The following PCCA variants were observed in gnomAD, a reference collection of about 807,000 sequenced individuals.
PCCA encodes propionyl-CoA carboxylase subunit alpha, also known as propionyl-CoA carboxylase alpha chain, mitochondrial.
PCCA carries 74 observed loss-of-function variants against 101.3 expected under a neutral mutation model. That is an observed-to-expected ratio of 0.73 (90% confidence interval 0.61 to 0.89). PCCA has a LOEUF of 0.89. Among genes scored for constraint, PCCA ranks in the 40% least tolerant of loss-of-function variants. The pLI is 0.00. For synonymous variants in PCCA, 294 were observed against 313.6 expected (o/e 0.94, Z 0.66); for missense variants, 891 against 907.0 (o/e 0.98, Z 0.23).
At chr13:100,378,035 T>C (rs1397030915) in intron 19 of PCCA, among the ~76,000 whole-genome samples, 7 of 152,208 alleles carry the variant, frequency 4.6e-5, no homozygotes, top group African/African-American at 1.7e-4. Flanking sequence ...TACTTGCACG[T>C]GTTTTCATGA....
At chr13:100,162,547 T>G (rs1479960860) in intron 6 of PCCA, among the ~76,000 whole-genome samples, 1 of 152,206 alleles carries the variant, frequency 6.6e-6, no homozygotes, top group Non-Finnish European at 1.5e-5. Flanking sequence ...TGGTGGAGGC[T>G]TCTCTCTTTC....
chr13:100,172,437 G>T (rs2055782648), intron 6 of PCCA, among the ~76,000 whole-genome samples: 1 of 151,924 alleles, frequency 6.6e-6, no homozygotes, highest in African/African-American at 2.4e-5. Flanking sequence ...AATGTTAATA[G>T]GGCTTTGTCT....
chr13:100,372,396 CAT>C (rs1411064163), intron 19 of PCCA, among the ~76,000 whole-genome samples: 2 of 151,760 alleles, frequency 1.3e-5, no homozygotes, highest in African/African-American at 2.4e-5. Context: ...CAGTAGATAA[CAT>C]AGGGGAAAAG....
intron 20 of PCCA, among the ~76,000 whole-genome samples, chr13:100,446,238 C>A (rs1473065414): frequency 1.3e-5 from 2 of 152,216 alleles, no homozygotes; most frequent in South Asian, 2.1e-4. Flanking sequence ...CCGTGTTGGG[C>A]AGGCTGGTCT....
intron 1 of PCCA, 37 bp downstream of exon 1, chr13:100,089,262 C>T (rs763898495): frequency 7.5e-6 from 11 of 1,457,110 alleles, no homozygotes; most frequent in Non-Finnish European, 1.0e-5. Context: ...CCGGGCTTCA[C>T]TGGGCTTCTA....
intron 8 of PCCA, among the ~76,000 whole-genome samples, chr13:100,249,668 G>T (rs1407405893): frequency 1.3e-5 from 2 of 152,092 alleles, no homozygotes; most frequent in South Asian, 4.1e-4. Context: ...ACGTTGAGGA[G>T]GATTGATATC....
intron 21 of PCCA, among the ~76,000 whole-genome samples, chr13:100,502,295 C>T (rs1038706491): frequency 2.0e-5 from 3 of 152,144 alleles, no homozygotes; most frequent in Non-Finnish European, 2.9e-5. Context: ...CTGATCCAGG[C>T]AGATTTCACT....
chr13:100,514,639 T>C (rs2086701361), intron 21 of PCCA, among the ~76,000 whole-genome samples: 1 of 152,228 alleles, frequency 6.6e-6, no homozygotes, highest in South Asian at 2.1e-4. Context: ...TTTTTTGAAA[T>C]GTTCTGCTTC....
chr13:100,202,137 A>G (rs2058554651), intron 6 of PCCA, among the ~76,000 whole-genome samples: 1 of 148,472 alleles, frequency 6.7e-6, no homozygotes. Flanking sequence ...TGAGACCATC[A>G]TAGGCAACAT....
intron 17 of PCCA, among the ~76,000 whole-genome samples, chr13:100,337,483 T>C (rs976765427): frequency 6.6e-6 from 1 of 152,194 alleles, no homozygotes; most frequent in Non-Finnish European, 1.5e-5. Flanking sequence ...CTCTGGCCTG[T>C]GATCAGGAGT....
chr13:100,522,806 C>T (rs899638093), intron 22 of PCCA, among the ~76,000 whole-genome samples: 7 of 152,234 alleles, frequency 4.6e-5, no homozygotes, highest in African/African-American at 1.7e-4. Context: ...GTATCACCCC[C>T]ATTTTGTGGC....
chr13:100,408,493 A>G (rs1389840724), intron 19 of PCCA, among the ~76,000 whole-genome samples: 1 of 152,150 alleles, frequency 6.6e-6, no homozygotes, highest in Non-Finnish European at 1.5e-5. Context: ...AAAATATTAG[A>G]TCCAAGTGCT....
intron 21 of PCCA, among the ~76,000 whole-genome samples, chr13:100,465,731 T>A (rs1174253796): frequency 6.6e-6 from 1 of 152,176 alleles, no homozygotes; most frequent in Non-Finnish European, 1.5e-5. Flanking sequence ...CAACTAAAAT[T>A]GTCTCCAAAT....
chr13:100,423,502 G>A (rs1038250629), intron 19 of PCCA, among the ~76,000 whole-genome samples: 1 of 152,198 alleles, frequency 6.6e-6, no homozygotes, highest in Admixed American at 6.5e-5. Flanking sequence ...CACATCCCTT[G>A]CCCCGCTTAT....
chr13:100,257,607 T>C lies in PCCA; in HGVS notation c.650T>C (p.Met217Thr), dbSNP rs750593565. 1.9e-6 allele frequency: 3 copies of C among 1,613,350 alleles called. No homozygotes were observed. The highest frequency in any genetic ancestry group is 1.7e-5 in the Admixed American group (1 of 59,964). ...RIAREIGYPVMIKASAGGGGK... is the reference protein window; with the variant it reads ...RIAREIGYPVTIKASAGGGGK... ...TCCCTGCTGTTAGGCTACCCTGTCA[T>C]GATCAAGGCCTCAGCAGGTGGTGGT... Residue 217 changes from methionine to threonine, a missense_variant, in exon 9 of 24, where the codon ATG becomes ACG. Met to Thr is a moderately conservative substitution (Grantham distance 81). Coordinates refer to ENST00000376285, the MANE Select transcript of PCCA (RefSeq NM_000282.4).
At position 100,460,661 on chromosome 13, in the gene PCCA, G is replaced by A. The variant is rs868618711; in HGVS notation, c.1899+11356G>A. 3.3e-5 allele frequency among the ~76,000 whole-genome samples: 5 copies of A among 152,224 alleles called. No individual in the cohort carries two copies. In the South Asian group the frequency reaches 1.0e-3, roughly 32 times the overall value. On this transcript the variant is annotated intron_variant, in intron 21 of 23. Coordinates refer to ENST00000376285, the MANE Select transcript of PCCA (RefSeq NM_000282.4). ...TATTTCATATTACCCTTGAAAGCTT[G>A]AGTGATAATATTAGTAGAATAAACA...
intron 21 of PCCA, among the ~76,000 whole-genome samples, chr13:100,495,381 A>C (rs2085202375): frequency 6.6e-6 from 1 of 152,150 alleles, no homozygotes. Flanking sequence ...CCAGCACTGG[A>C]GAGACGCTAC....
At chr13:100,332,837 A>G (rs960335209) in intron 17 of PCCA, among the ~76,000 whole-genome samples, 1 of 152,194 alleles carries the variant, frequency 6.6e-6, no homozygotes, top group African/African-American at 2.4e-5. Context: ...ATTGGCATAC[A>G]TTGCTTTTAG....
At chr13:100,304,760 A>G (rs887913957) in intron 14 of PCCA, among the ~76,000 whole-genome samples, 2 of 152,184 alleles carry the variant, frequency 1.3e-5, no homozygotes, top group African/African-American at 4.8e-5. Flanking sequence ...TTAAAACTAG[A>G]GCAGTCAGTT....
Sources: allele counts gnomAD v4.1 joint callset (sites outside exome capture counted in the v4.1 genomes callset), GRCh38; gene constraint gnomAD v4.1.1; transcripts MANE v1.5; gene names NCBI Gene and HGNC (gene_info 2026-07-23, HGNC 2026-07-21).